TMEM165: variants seen among roughly 807,000 people sequenced by gnomAD.
The protein encoded by TMEM165 is transmembrane protein 165.
TMEM165 carries 19 observed loss-of-function variants against 30.0 expected under a neutral mutation model. That is an observed-to-expected ratio of 0.63 (90% CI 0.44 to 0.93). The LOEUF is 0.93. Ranked by LOEUF, TMEM165 falls within the 40% of genes least tolerant of loss-of-function variation. The pLI, the probability that TMEM165 is intolerant of heterozygous loss-of-function variation, is 0.00. For synonymous variants in TMEM165, 168 were observed against 162.9 expected (o/e 1.03, Z -0.24); for missense variants, 340 against 417.0 (o/e 0.82, Z 1.61).
chr4:55,433,301 TTACTGATTGA>T (rs1157403970), intron 3 of TMEM165: 1 of 152,624 alleles, frequency 6.6e-6, no homozygotes, highest in Non-Finnish European at 1.5e-5. Flanking sequence ...GATATGTTAA[TTACTGATTGA>T]TATCTAGTCA....
intron 1 of TMEM165, chr4:55,399,383 C>A (rs970247385): frequency 6.6e-6 from 1 of 152,202 alleles, no homozygotes; most frequent in Non-Finnish European, 1.5e-5. Flanking sequence ...TTGACATGTC[C>A]ACTTCAGTAA....
exon 4 of TMEM165, chr4:55,452,685 AT>A (rs939837981): frequency 3.0e-4 from 58 of 194,692 alleles, no homozygotes; most frequent in Admixed American, 1.1e-3. Context: ...TTTAGGGAAG[AT>A]TTTTTTTTCC....
chr4:55,404,339 A>G (rs1169866464), intron 1 of TMEM165, among the ~76,000 whole-genome samples: 1 of 151,616 alleles, frequency 6.6e-6, no homozygotes, highest in Admixed American at 6.6e-5. Flanking sequence ...AGTTTTATAA[A>G]CCAAACTTCT....
rs376687676 is a variant in TMEM165 at position 55,411,656 on chromosome 4, G to T, written c.250G>T (p.Asp84Tyr). 2.5e-6 allele frequency: 4 copies of T among 1,613,902 alleles called. No homozygotes were observed. In the African/African-American group the frequency reaches 5.3e-5, roughly 22 times the overall value. Residue 84 changes from aspartate to tyrosine, a missense_variant, in exon 2 of 6, where the codon GAT becomes TAT. Around this residue, in one of 2 missense-constraint regions of TMEM165, gnomAD observed 220 missense variants for 307.6 expected, o/e 0.72. Transcript: ENST00000381334. ...AGCTCCAGTTCATACCAATAAAGAA[G>T]ATCCTGCTACCCAAACTAATTTGGG... ...PAAPVHTNKE[D>Y]PATQTNLGFI...
chr4:55,402,865 C>T lies in TMEM165; in HGVS notation c.207+6469C>T, dbSNP rs528504867. Among the ~76,000 whole-genome samples the T allele has an allele frequency of 1.8e-4, 23 of 126,994 alleles. No individual in the cohort carries two copies. In the South Asian group the frequency reaches 4.3e-3, roughly 24 times the overall value. 83.3% of individuals were successfully genotyped at this position (126,994 alleles called of 152,430 possible). Reference sequence around the variant, plus strand: ...GGAGTGCAGTGGCGTGATCTCGGCTCACTGCAAGCTCTGCCTCCCGGGTTC... The same window carrying T: ...GGAGTGCAGTGGCGTGATCTCGGCTTACTGCAAGCTCTGCCTCCCGGGTTC... On this transcript the variant is annotated intron_variant, in intron 1 of 5. Coordinates refer to ENST00000381334, the MANE Select transcript of TMEM165 (RefSeq NM_018475.5).
chr4:55,427,346 T>TTTTGTTTG (rs10654591), downstream of TMEM165, among the ~76,000 whole-genome samples: 24 of 133,394 alleles, frequency 1.8e-4, no homozygotes, highest in East Asian at 3.3e-3. Flanking sequence ...TACTAATACG[T>TTTTGTTTG]TTTGTTTGTT....
chr4:55,424,415 AT>A (rs1722113299), intron 4 of TMEM165, 122 bp from the exon 5 acceptor site: 2 of 620,928 alleles, frequency 3.2e-6, no homozygotes, highest in South Asian at 4.1e-5. Context: ...ATACACCTGC[AT>A]TTTTATAACT....
chr4:55,448,659 T>A, intron 3 of TMEM165: 34 of 536,738 alleles, frequency 6.3e-5, no homozygotes, highest in Non-Finnish European at 8.1e-5. Context: ...TACCTCAGCC[T>A]CCCAAGTAGC....
chr4:55,412,869 TGTTATA>T (rs1721566255), intron 2 of TMEM165: 3 of 152,136 alleles, frequency 2.0e-5, no homozygotes, highest in African/African-American at 4.8e-5. Flanking sequence ...TGAATTGAGT[TGTTATA>T]GTTATTAGTA....
intron 3 of TMEM165, among the ~76,000 whole-genome samples, chr4:55,435,909 T>C (rs953729720): frequency 6.6e-6 from 1 of 152,188 alleles, no homozygotes; most frequent in African/African-American, 2.4e-5. Context: ...ATATTTTAAA[T>C]TACAAAATTT....
At chr4:55,415,015 A>T (rs898686346) in intron 2 of TMEM165, among the ~76,000 whole-genome samples, 12 of 152,192 alleles carry the variant, frequency 7.9e-5, no homozygotes, top group Non-Finnish European at 1.6e-4. Flanking sequence ...ACTACTATCT[A>T]ATCTGTAGGG....
chr4:55,397,910 ATT>A (rs71194549), intron 1 of TMEM165, among the ~76,000 whole-genome samples: 36 of 148,002 alleles, frequency 2.4e-4, no homozygotes, highest in East Asian at 2.2e-3. Flanking sequence ...ATTTTTGTTT[ATT>A]TTTTTTTTTT....
At chr4:55,449,522 A>T (rs1227760653) in intron 3 of TMEM165, 1 of 1,531,166 alleles carries the variant, frequency 6.5e-7, no homozygotes, top group East Asian at 2.3e-5. Flanking sequence ...TCAGAAGAGC[A>T]TTAGTACTTT....
chr4:55,399,715 C>T (rs1720872803), intron 1 of TMEM165, among the ~76,000 whole-genome samples: 1 of 151,988 alleles, frequency 6.6e-6, no homozygotes, highest in African/African-American at 2.4e-5. Flanking sequence ...GGATTCTTGT[C>T]TTTTAAAGTT....
exon 4 of TMEM165, chr4:55,452,939 G>A (rs1724596614): frequency 3.9e-6 from 3 of 762,950 alleles, no homozygotes; most frequent in Non-Finnish European, 2.2e-6. Context: ...TCACATCCCC[G>A]TTATAAGTGA....
chr4:55,445,876 A>T (rs62303693), intron 3 of TMEM165, among the ~76,000 whole-genome samples: 14,612 of 151,966 alleles, frequency 0.096, 981 homozygotes, highest in Non-Finnish European at 0.13. Flanking sequence ...GAATACAGGC[A>T]TGAGCCACCA....
At chr4:55,435,579 G>A in intron 3 of TMEM165, 1 of 1,613,872 alleles carries the variant, frequency 6.2e-7, no homozygotes, top group Non-Finnish European at 8.5e-7. Context: ...GGATTCCCAT[G>A]GAGCAACCTA....
rs1180875145 is a variant in TMEM165 at position 55,425,915 on chromosome 4, T to C, written c.*463T>C. 2 of 152,408 alleles carry C rather than the reference T, an allele frequency of 1.3e-5. No homozygotes were observed. Among genetic ancestry groups the C allele is most frequent in the Admixed American group, 1.3e-4 (2 of 15,290 alleles). The allele number at this position is 152,408 out of a possible 1,614,324, so 9.4% of individuals were successfully genotyped here. A position where few individuals can be genotyped will look rare whatever the true frequency, so the allele number is the denominator to read the frequency against. On this transcript the variant is annotated 3_prime_UTR_variant, in exon 6 of 6. Coordinates refer to ENST00000381334, the MANE Select transcript of TMEM165 (RefSeq NM_018475.5). ...AACAGTAGTTTAATCATTGGTCTTTTCAAAACTAGGTGTTTAAAAAAAGAG... is the reference window on the plus strand; with the variant it reads ...AACAGTAGTTTAATCATTGGTCTTTCCAAAACTAGGTGTTTAAAAAAAGAG...
rs778324110 is a variant in TMEM165, at chr4:55,411,706, C to T, written c.300C>T (p.Ala100=). 6 of 1,614,104 alleles carry T rather than the reference C, an allele frequency of 3.7e-6. No individual in the cohort carries two copies. The East Asian group carries it at 8.9e-5, about 24-fold the overall frequency. Residue 100 remains alanine, a synonymous_variant, in exon 2 of 6, where the codon GCC becomes GCT. Transcript: ENST00000381334. Reference sequence around the variant, plus strand: ...GATTTATCCATGCATTTGTCGCTGCCATATCAGTTATTATTGTATCTGAAT... The same window carrying T: ...GATTTATCCATGCATTTGTCGCTGCTATATCAGTTATTATTGTATCTGAAT... ...NLGFIHAFVA[A]ISVIIVSELG... is the part of the protein sequence containing the mutation.
Sources: gnomAD v4.1 joint callset for allele counts (sites outside exome capture counted in the v4.1 genomes callset) on GRCh38, gnomAD v4.1.1 for gene constraint, gnomAD v4.1.1 regional missense constraint, MANE v1.5 for transcripts, NCBI Gene and HGNC (gene_info 2026-07-23, HGNC 2026-07-21) for gene names.